The following PDE4D variants were observed in gnomAD, a reference collection of about 807,000 sequenced individuals.
PDE4D encodes the protein 3',5'-cyclic-AMP phosphodiesterase 4D.
In PDE4D, 24 loss-of-function variants were observed where a neutral mutation model predicts 87.4. That is an observed-to-expected ratio of 0.27 (90% CI 0.20 to 0.39). The LOEUF (loss-of-function observed/expected upper bound fraction) is 0.39, where lower values mean the gene tolerates loss of function less well. PDE4D is among the 10% of genes least tolerant of loss of function. PDE4D has a pLI of 1.00. For synonymous variants in PDE4D, 384 were observed against 383.2 expected (o/e 1.00, Z -0.02); for missense variants, 714 against 1,041.0 (o/e 0.69, Z 4.32).
At chr5:59,762,640 A>G (rs1387519400) in intron 1 of PDE4D, among the ~76,000 whole-genome samples, 20 of 129,394 alleles carry the variant, frequency 1.5e-4, no homozygotes, top group African/African-American at 6.0e-4. Flanking sequence ...ATATGGGTAC[A>G]CATATGTGTA....
chr5:59,575,333 C>T (rs1234932590), intron 1 of PDE4D, among the ~76,000 whole-genome samples: 1 of 152,126 alleles, frequency 6.6e-6, no homozygotes. Flanking sequence ...CATAATCAAG[C>T]ATCAGAGCCA....
intron 1 of PDE4D, among the ~76,000 whole-genome samples, chr5:59,292,895 T>G (rs538195416): frequency 6.6e-6 from 1 of 152,122 alleles, no homozygotes; most frequent in South Asian, 2.1e-4. Context: ...AGGAGATGTA[T>G]TTAGCATTTC....
chr5:60,205,898 CA>C (rs950247851), intron 1 of PDE4D, among the ~76,000 whole-genome samples: 1 of 151,644 alleles, frequency 6.6e-6, no homozygotes, highest in African/African-American at 2.4e-5. Context: ...AGGAATAAAA[CA>C]AAAAAAGAAA....
At chr5:59,335,727 C>T (rs990617087) in intron 1 of PDE4D, among the ~76,000 whole-genome samples, 1 of 152,042 alleles carries the variant, frequency 6.6e-6, no homozygotes, top group African/African-American at 2.4e-5. Context: ...AAGATAGAAA[C>T]TAAAAAGCTA....
At chr5:60,050,172 C>G (rs1304679107) in intron 2 of PDE4D, among the ~76,000 whole-genome samples, 1 of 151,660 alleles carries the variant, frequency 6.6e-6, no homozygotes, top group Non-Finnish European at 1.5e-5. Context: ...AAAGGGAACT[C>G]CCTGACCCCT....
intron 1 of PDE4D, among the ~76,000 whole-genome samples, chr5:59,227,666 A>G (rs1353140238): frequency 3.3e-5 from 5 of 152,226 alleles, no homozygotes; most frequent in African/African-American, 1.2e-4. Context: ...ACTAATCATT[A>G]AAGAAATACA....
intron 5 of PDE4D, among the ~76,000 whole-genome samples, chr5:59,056,343 AAAG>A (rs1269202433): frequency 6.6e-6 from 1 of 152,192 alleles, no homozygotes; most frequent in African/African-American, 2.4e-5. Flanking sequence ...GCAAAGGACG[AAAG>A]AAGGGGCTTG....
At chr5:59,461,731 AT>A (rs1270322780) in intron 1 of PDE4D, among the ~76,000 whole-genome samples, 2 of 152,036 alleles carry the variant, frequency 1.3e-5, no homozygotes, top group East Asian at 1.9e-4. Flanking sequence ...AGAAAACCAG[AT>A]TTTTTTCCTG....
At chr5:59,334,213 A>C (rs1039104157) in intron 1 of PDE4D, among the ~76,000 whole-genome samples, 3 of 144,106 alleles carry the variant, frequency 2.1e-5, no homozygotes, top group African/African-American at 7.7e-5. Flanking sequence ...GGAAGAAATT[A>C]GGGGAAAAAA....
At chr5:60,263,359 C>A (rs1220461657) in intron 1 of PDE4D, among the ~76,000 whole-genome samples, 1 of 152,124 alleles carries the variant, frequency 6.6e-6, no homozygotes, top group African/African-American at 2.4e-5. Context: ...CAACCGTGAC[C>A]ACAGCCTCCA....
chr5:60,085,864 G>T (rs1774463955), intron 2 of PDE4D, among the ~76,000 whole-genome samples: 1 of 152,218 alleles, frequency 6.6e-6, no homozygotes, highest in South Asian at 2.1e-4. Context: ...CCATGTTTAT[G>T]TAAAGAGGGG....
intron 1 of PDE4D, among the ~76,000 whole-genome samples, chr5:59,416,385 G>A (rs1458207684): frequency 6.6e-6 from 1 of 152,110 alleles, no homozygotes; most frequent in Non-Finnish European, 1.5e-5. Context: ...GGTGTAGCCT[G>A]TATGCCTGAA....
chr5:59,866,898 A>G (rs1264950506), intron 1 of PDE4D, among the ~76,000 whole-genome samples: 1 of 152,196 alleles, frequency 6.6e-6, no homozygotes, highest in Non-Finnish European at 1.5e-5. Flanking sequence ...TGTTAGACTA[A>G]GCCTTCCATC....
At chr5:58,996,691 A>G (rs1258600372) in intron 6 of PDE4D, among the ~76,000 whole-genome samples, 1 of 152,184 alleles carries the variant, frequency 6.6e-6, no homozygotes, top group Admixed American at 6.6e-5. Flanking sequence ...ATGTTGCCCA[A>G]AGAGAACATG....
chr5:59,036,839 AT>A (rs1444040294), intron 6 of PDE4D, among the ~76,000 whole-genome samples: 3 of 152,300 alleles, frequency 2.0e-5, no homozygotes, highest in African/African-American at 7.2e-5. Flanking sequence ...CTAGGAAAAA[AT>A]ATCCTAATTT....
chr5:59,736,272 T>C (rs1344621675), intron 1 of PDE4D, among the ~76,000 whole-genome samples: 7 of 152,180 alleles, frequency 4.6e-5, no homozygotes, highest in Non-Finnish European at 1.0e-4. Flanking sequence ...ATTGAGATAG[T>C]ATTTTATACC....
At chr5:59,477,373 A>AAAAAAAT (rs1554190139) in intron 1 of PDE4D, among the ~76,000 whole-genome samples, 4 of 143,112 alleles carry the variant, frequency 2.8e-5, no homozygotes, top group East Asian at 2.0e-4. Flanking sequence ...AAAAAAAAAA[A>AAAAAAAT]ATTAAAGAAT....
At chr5:60,374,442 G>A (rs1583563464) in intron 1 of PDE4D, among the ~76,000 whole-genome samples, 1 of 152,146 alleles carries the variant, frequency 6.6e-6, no homozygotes, top group African/African-American at 2.4e-5. Context: ...TCAAAGAAAC[G>A]TTTATATTGC....
At chr5:59,552,750 A>T (rs1372227354) in intron 1 of PDE4D, among the ~76,000 whole-genome samples, 1 of 152,198 alleles carries the variant, frequency 6.6e-6, no homozygotes, top group Non-Finnish European at 1.5e-5. Flanking sequence ...GATTTGATCA[A>T]AATTAACTAT....
Sources: gnomAD v4.1 joint callset for allele counts (sites outside exome capture counted in the v4.1 genomes callset) on GRCh38, gnomAD v4.1.1 for gene constraint, MANE v1.5 for transcripts, NCBI Gene and HGNC (gene_info 2026-07-23, HGNC 2026-07-21) for gene names.